The following MACROD2 variants were observed in gnomAD, a reference collection of about 807,000 sequenced individuals.
MACROD2 encodes mono-ADP ribosylhydrolase 2, also known as ADP-ribose glycohydrolase MACROD2.
In MACROD2, 36 loss-of-function variants were observed where a neutral mutation model predicts 70.4. The observed-to-expected ratio is 0.51, with a 90% CI of 0.39 to 0.68. MACROD2 has a LOEUF of 0.68. Among genes scored for constraint, MACROD2 ranks in the 30% least tolerant of loss-of-function variants. MACROD2 has a pLI of 0.00. For synonymous variants in MACROD2, 172 were observed against 178.8 expected (o/e 0.96, Z 0.30); for missense variants, 496 against 538.4 (o/e 0.92, Z 0.78).
intron 4 of MACROD2, among the ~76,000 whole-genome samples, chr20:14,676,658 T>C (rs1413589314): frequency 6.6e-6 from 1 of 152,022 alleles, no homozygotes; most frequent in Non-Finnish European, 1.5e-5. Context: ...ATAAAAGTAC[T>C]AGAGAAGTAA....
chr20:14,076,879 T>G (rs963600120), intron 2 of MACROD2, among the ~76,000 whole-genome samples: 1 of 152,220 alleles, frequency 6.6e-6, no homozygotes, highest in Non-Finnish European at 1.5e-5. Context: ...ATAAAAATTA[T>G]AAATTTCACC....
At chr20:14,854,900 C>T (rs1387571347) in intron 5 of MACROD2, among the ~76,000 whole-genome samples, 1 of 152,036 alleles carries the variant, frequency 6.6e-6, no homozygotes, top group Non-Finnish European at 1.5e-5. Flanking sequence ...CCTGTAGTCC[C>T]AGCTACTCGG....
intron 15 of MACROD2, among the ~76,000 whole-genome samples, chr20:16,007,260 A>C (rs1172269227): frequency 6.6e-6 from 1 of 152,230 alleles, no homozygotes; most frequent in Non-Finnish European, 1.5e-5. Context: ...ATTACAGTAG[A>C]GTTTCACTAT....
At chr20:15,348,834 T>C (rs2078195778) in intron 6 of MACROD2, among the ~76,000 whole-genome samples, 1 of 152,142 alleles carries the variant, frequency 6.6e-6, no homozygotes. Context: ...GTGGGAATTA[T>C]GGGAGCTACA....
intron 2 of MACROD2, among the ~76,000 whole-genome samples, chr20:14,021,870 A>T (rs2053086878): frequency 6.6e-6 from 1 of 152,110 alleles, no homozygotes; most frequent in South Asian, 2.1e-4. Flanking sequence ...AGTCTTTCAG[A>T]GACAGAGTTG....
intron 3 of MACROD2, chr20:14,222,978 A>C (rs2081693461): frequency 6.6e-6 from 1 of 152,236 alleles, no homozygotes. Context: ...AAGTGATATT[A>C]TTTTAGGTGC....
chr20:14,340,829 T>C (rs1341917104), intron 3 of MACROD2, among the ~76,000 whole-genome samples: 3 of 152,358 alleles, frequency 2.0e-5, no homozygotes, highest in South Asian at 2.1e-4. Flanking sequence ...CTATCTAAAC[T>C]TGTCATCTCA....
chr20:15,906,038 C>T (rs963104721), intron 10 of MACROD2, among the ~76,000 whole-genome samples: 2 of 152,210 alleles, frequency 1.3e-5, no homozygotes, highest in African/African-American at 4.8e-5. Context: ...TCCCCACTGG[C>T]TTCTAACAAT....
intron 2 of MACROD2, among the ~76,000 whole-genome samples, chr20:14,027,023 G>T (rs1000767251): frequency 6.6e-6 from 1 of 152,126 alleles, no homozygotes; most frequent in African/African-American, 2.4e-5. Flanking sequence ...TCCCAGCAGG[G>T]GTCGACAGAC....
intron 5 of MACROD2, among the ~76,000 whole-genome samples, chr20:15,176,016 G>A (rs1271336189): frequency 1.3e-5 from 2 of 152,228 alleles, no homozygotes; most frequent in East Asian, 3.9e-4. Flanking sequence ...GCCTCTCCCT[G>A]CTCCCAGTAC....
At chr20:14,998,743 T>C (rs1453339157) in intron 5 of MACROD2, among the ~76,000 whole-genome samples, 1 of 152,168 alleles carries the variant, frequency 6.6e-6, no homozygotes, top group Non-Finnish European at 1.5e-5. Flanking sequence ...GAACTTTCCA[T>C]GCCTAGAGAA....
intron 3 of MACROD2, among the ~76,000 whole-genome samples, chr20:14,335,098 G>T (rs1327198641): frequency 6.6e-6 from 1 of 152,130 alleles, no homozygotes; most frequent in Non-Finnish European, 1.5e-5. Flanking sequence ...TTTTTGTAGG[G>T]CTTAAAACTG....
chr20:15,524,147 G>A (rs562540225), intron 8 of MACROD2, among the ~76,000 whole-genome samples: 1 of 152,110 alleles, frequency 6.6e-6, no homozygotes, highest in Admixed American at 6.6e-5. Context: ...TTTACACCGA[G>A]GTCCTTGTTC....
chr20:15,636,496 A>T (rs1169482223), intron 8 of MACROD2, among the ~76,000 whole-genome samples: 1 of 152,134 alleles, frequency 6.6e-6, no homozygotes, highest in Non-Finnish European at 1.5e-5. Flanking sequence ...TATAGGGGGC[A>T]GTTAATGGGT....
chr20:15,687,412 A>G (rs893258501), intron 8 of MACROD2, among the ~76,000 whole-genome samples: 1 of 152,038 alleles, frequency 6.6e-6, no homozygotes, highest in East Asian at 1.9e-4. Context: ...GATCAACAAC[A>G]TCATCATCAT....
intron 3 of MACROD2, among the ~76,000 whole-genome samples, chr20:14,117,278 T>C (rs1404899757): frequency 6.6e-6 from 1 of 152,194 alleles, no homozygotes; most frequent in African/African-American, 2.4e-5. Flanking sequence ...ACAGTGACTA[T>C]AGAACTTTTG....
intron 3 of MACROD2, among the ~76,000 whole-genome samples, chr20:14,206,672 A>ATTTTTTTTTTTTTTTTT (rs2081526615): frequency 6.9e-6 from 1 of 144,734 alleles, no homozygotes. Context: ...TTTTTTTTTA[A>ATTTTTTTTTTTTTTTTT]GTCAGTTACT....
At chr20:15,065,258 G>A (rs761341042) in intron 5 of MACROD2, among the ~76,000 whole-genome samples, 1 of 151,970 alleles carries the variant, frequency 6.6e-6, no homozygotes, top group Non-Finnish European at 1.5e-5. Flanking sequence ...CAATCAAGAA[G>A]TACCATTATT....
chr20:15,665,958 T>C (rs1276925542), intron 8 of MACROD2, among the ~76,000 whole-genome samples: 1 of 151,170 alleles, frequency 6.6e-6, no homozygotes, highest in Non-Finnish European at 1.5e-5. Context: ...CTTGGAGATA[T>C]GCTTGATATT....
Sources: allele counts gnomAD v4.1 joint callset (sites outside exome capture counted in the v4.1 genomes callset), GRCh38; gene constraint gnomAD v4.1.1; transcripts MANE v1.5; gene names NCBI Gene and HGNC (gene_info 2026-07-23, HGNC 2026-07-21).